DRGX: variants seen among roughly 807,000 people sequenced by gnomAD.
The protein encoded by DRGX is dorsal root ganglia homeobox, also known as dorsal root ganglia homeobox protein.
Under a neutral mutation model 28.6 loss-of-function variants are expected in DRGX, and 21 were observed. The ratio of observed to expected loss-of-function variants is 0.73; its 90% CI spans 0.52 to 1.06. The LOEUF is 1.06. Among genes scored for constraint, DRGX ranks in the 50% least tolerant of loss-of-function variants. DRGX has a pLI of 0.00. For missense variants in DRGX, 354 were observed against 343.9 expected (o/e 1.03, Z -0.23); for synonymous variants, 136 against 139.1 (o/e 0.98, Z 0.16).
intron 4 of DRGX, among the ~76,000 whole-genome samples, chr10:49,387,938 G>A (rs1007008788): frequency 7.2e-5 from 11 of 152,162 alleles, no homozygotes; most frequent in Admixed American, 6.5e-5. Flanking sequence ...ACTGTTTGGG[G>A]GTAATAACTG....
chr10:49,388,460 G>GTTCC (rs1305362016), intron 4 of DRGX, among the ~76,000 whole-genome samples: 1 of 152,136 alleles, frequency 6.6e-6, no homozygotes, highest in Admixed American at 6.5e-5. Context: ...CTTTAACTGG[G>GTTCC]TTTCTTTCTT....
rs191505457 is a variant in DRGX at position 49,365,763 on chromosome 10, G to C, written c.*353C>G. ...TCCTGGGGTTGACAAGACCTTCAAA[G>C]GCAGCCCAGGGAGGAAATAGGAAGG... On this transcript the variant is annotated 3_prime_UTR_variant, in exon 7 of 7. Transcript: ENST00000374139. 2 of 197,172 alleles carry C rather than the reference G, an allele frequency of 1.0e-5. No individual in the cohort carries two copies. Among genetic ancestry groups the C allele is most frequent in the African/African-American group, 4.6e-5 (2 of 43,266 alleles). 12.2% of individuals were successfully genotyped at this position (197,172 alleles called of 1,614,324 possible).
Position 49,387,020 on chromosome 10 carries a change from G to C in DRGX, c.235-162C>G, listed in dbSNP as rs78487818. On this transcript the variant is annotated intron_variant, in intron 4 of 6. Coordinates refer to ENST00000374139, the MANE Select transcript of DRGX (RefSeq NM_001276451.2). ...GGCCCACAGAGGGGTCAGAAGATCC[G>C]CTTAAAAGGTTAGGACAGGCATTTT... Among the ~76,000 whole-genome samples the C allele has an allele frequency of 9.2e-5, 14 of 152,328 alleles. No individual in the cohort carries two copies. The East Asian group carries it at 2.7e-3, about 29-fold the overall frequency.
chr10:49,395,642 G>T (rs1223279205), intron 1 of DRGX, 121 bp from the exon 2 acceptor site: 3 of 637,972 alleles, frequency 4.7e-6, no homozygotes, highest in African/African-American at 3.6e-5. Context: ...TCTCACTGCG[G>T]GGGACAGGAG....
intron 2 of DRGX, among the ~76,000 whole-genome samples, chr10:49,394,469 T>C (rs1301516559): frequency 6.6e-6 from 1 of 152,178 alleles, no homozygotes; most frequent in Non-Finnish European, 1.5e-5. Flanking sequence ...GGTTGCCAAA[T>C]GCCAGTCCGA....
intron 4 of DRGX, among the ~76,000 whole-genome samples, chr10:49,387,753 A>T (rs2132483796): frequency 6.6e-6 from 1 of 152,270 alleles, no homozygotes; most frequent in African/African-American, 2.4e-5. Flanking sequence ...GGACCTCAGT[A>T]AATCTGGTTT....
At chr10:49,386,987 C>G (rs1484809224) in intron 4 of DRGX, 129 bp from the exon 5 acceptor site, 4 of 1,088,266 alleles carry the variant, frequency 3.7e-6, no homozygotes, top group Non-Finnish European at 3.8e-6. Context: ...CTCTGAACTG[C>G]AGCGTCAGGC....
intron 6 of DRGX, among the ~76,000 whole-genome samples, chr10:49,375,606 G>A (rs1564705769): frequency 1.3e-5 from 2 of 152,078 alleles, no homozygotes; most frequent in South Asian, 4.1e-4. Flanking sequence ...CCTCTGTTTC[G>A]ACAATTACTT....
chr10:49,386,357 G>C (rs1443757771), intron 6 of DRGX, 121 bp downstream of exon 6: 2 of 792,230 alleles, frequency 2.5e-6, no homozygotes, highest in Admixed American at 3.1e-5. Context: ...TGACTGACAG[G>C]AGGCGAGGAA....
intron 6 of DRGX, among the ~76,000 whole-genome samples, chr10:49,385,374 C>A (rs927795545): frequency 6.6e-6 from 1 of 152,196 alleles, no homozygotes; most frequent in African/African-American, 2.4e-5. Context: ...GGCCATCAAG[C>A]TCTGGCCCCT....
chr10:49,391,293 GA>G (rs375739013), intron 2 of DRGX, 32 bp from the exon 3 acceptor site: 14 of 1,596,372 alleles, frequency 8.8e-6, no homozygotes, highest in Middle Eastern at 1.6e-4. Flanking sequence ...ACCTGGGCAG[GA>G]AGGGGCCCCA....
rs1418449885 is a variant in DRGX, at chr10:49,383,786, A to T, written c.526+2692T>A. On this transcript the variant is annotated intron_variant, in intron 6 of 6. Transcript: ENST00000374139. ...TCAGCAGCCTGCAGCCCCAGAAGAG[A>T]GCCCTCACTAGAACCCAACCCTGCT... Among the ~76,000 whole-genome samples the T allele has an allele frequency of 3.3e-5, 5 of 152,298 alleles. No individual in the cohort carries two copies. In the South Asian group the frequency reaches 6.2e-4, roughly 19 times the overall value.
In DRGX at chr10:49,395,631, A is replaced by G; in HGVS notation, c.-81-110T>C. The G allele has an allele frequency of 7.5e-6, 5 of 668,296 alleles. No homozygotes were observed. In the South Asian group the frequency reaches 8.9e-5, roughly 12 times the overall value. 41.4% of individuals were successfully genotyped at this position (668,296 alleles called of 1,614,324 possible). A position where few individuals can be genotyped will look rare whatever the true frequency, so the allele number is the denominator to read the frequency against. ...CTGGAAAGTCCCTCCCAACGCCCTC[A>G]TCTCACTGCGGGGGACAGGAGGGAA... On this transcript the variant is annotated intron_variant, in intron 1 of 6. Coordinates refer to ENST00000374139, the MANE Select transcript of DRGX (RefSeq NM_001276451.2).
rs1306281445 is a variant in DRGX, at chr10:49,365,348, G to A, written c.*768C>T. ...CCAATCCACAGGTCTATCTGGGAGA[G>A]AGGAAGGGCTTGCAGGTGAGTGCTT... On this transcript the variant is annotated 3_prime_UTR_variant, in exon 7 of 7. Transcript: ENST00000374139. 1 of 152,334 alleles carries A rather than the reference G, an allele frequency of 6.6e-6. No individual in the cohort carries two copies. Among genetic ancestry groups the A allele is most frequent in the East Asian group, 1.9e-4 (1 of 5,196 alleles). The allele number at this position is 152,334 out of a possible 1,614,324, so 9.4% of individuals were successfully genotyped here.
intron 6 of DRGX, among the ~76,000 whole-genome samples, chr10:49,371,112 T>A (rs1849654704): frequency 6.6e-6 from 1 of 152,184 alleles, no homozygotes; most frequent in Non-Finnish European, 1.5e-5. Context: ...CTATAGCCAT[T>A]TTTTGCAAAG....
intron 3 of DRGX, among the ~76,000 whole-genome samples, chr10:49,390,715 A>G (rs1438230914): frequency 5.3e-5 from 8 of 152,176 alleles, no homozygotes; most frequent in African/African-American, 1.7e-4. Context: ...TCGAGGGGAA[A>G]AAGCCCAGCT....
intron 6 of DRGX, among the ~76,000 whole-genome samples, chr10:49,386,035 A>G (rs1849829865): frequency 6.6e-6 from 1 of 152,088 alleles, no homozygotes; most frequent in Admixed American, 6.6e-5. Flanking sequence ...GGAAAACCAC[A>G]AATCCTAACG....
Position 49,366,302 on chromosome 10 carries a change from G to C in DRGX, c.606C>G (p.Arg202=). 6.2e-7 allele frequency: 1 copy of C among 1,613,954 alleles called. No homozygotes were observed. Among genetic ancestry groups the C allele is most frequent in the Non-Finnish European group, 8.5e-7 (1 of 1,179,864 alleles). Residue 202 remains arginine, a synonymous_variant, in exon 7 of 7, where the codon CGC becomes CGG. Transcript: ENST00000374139. The stretch of plus-strand genomic sequence containing the variant: ...TGCGCAGGGTGGCCACGCTGGCCGT[G>C]CGGTTACTCTGGCAGCCATAGGTGG... ...FLPTYGCQSN[R]TASVATLRMK...
intron 6 of DRGX, among the ~76,000 whole-genome samples, chr10:49,383,517 G>A (rs1017384760): frequency 6.6e-6 from 1 of 152,146 alleles, no homozygotes; most frequent in African/African-American, 2.4e-5. Flanking sequence ...GCCATGGCAG[G>A]TCCAACCAAG....
Sources: gnomAD v4.1 joint callset for allele counts (sites outside exome capture counted in the v4.1 genomes callset) on GRCh38, gnomAD v4.1.1 for gene constraint, MANE v1.5 for transcripts, NCBI Gene and HGNC (gene_info 2026-07-23, HGNC 2026-07-21) for gene names.